SEC24A: variants seen among roughly 807,000 people sequenced by gnomAD.
SEC24A encodes protein transport protein Sec24A.
A neutral mutation model predicts 129.4 loss-of-function variants in SEC24A; 93 were observed. That is an observed-to-expected ratio of 0.72 (90% CI 0.61 to 0.85). SEC24A has a LOEUF of 0.85. Among genes scored for constraint, SEC24A ranks in the 40% least tolerant of loss-of-function variants. The probability of loss-of-function intolerance (pLI) is 0.00; values close to 1 mark genes in which losing one functional copy is unlikely to be tolerated. For synonymous variants in SEC24A, 460 were observed against 467.3 expected (o/e 0.98, Z 0.20); for missense variants, 1,264 against 1,307.4 (o/e 0.97, Z 0.51).
intron 11 of SEC24A, among the ~76,000 whole-genome samples, chr5:134,691,941 T>C (rs1751669908): frequency 6.8e-6 from 1 of 147,584 alleles, no homozygotes; most frequent in Non-Finnish European, 1.5e-5. Flanking sequence ...GGGCCAGCCA[T>C]TTAAAAAAAA....
chr5:134,675,663 T>C (rs1393891614), intron 6 of SEC24A, among the ~76,000 whole-genome samples: 5 of 152,210 alleles, frequency 3.3e-5, no homozygotes, highest in African/African-American at 9.6e-5. Flanking sequence ...GTATTTAGAA[T>C]CTTCAGCAAA....
chr5:134,705,090 A>ATATT lies in SEC24A; in HGVS notation c.2441-236_2441-235insATTT, dbSNP rs1180461537. On this transcript the variant is annotated intron_variant, in intron 16 of 22. Coordinates refer to ENST00000398844, the MANE Select transcript of SEC24A (RefSeq NM_021982.3). ...TATATTTATATATATATATATATAT[A>ATATT]TTTTTTTTTTTTTAATTAATTTATT... Among the ~76,000 whole-genome samples the ATATT allele has an allele frequency of 4.5e-3, 558 of 123,244 alleles. 3 individuals carry two copies. Among genetic ancestry groups the ATATT allele is most frequent in the East Asian group, 0.025 (111 of 4,378 alleles). The allele number at this position is 123,244 out of a possible 152,430, so 80.9% of individuals were successfully genotyped here. A position where few individuals can be genotyped will look rare whatever the true frequency, so the allele number is the denominator to read the frequency against.
chr5:134,661,053 T>C, intron 1 of SEC24A, 66 bp from the exon 2 acceptor site: 1 of 1,117,826 alleles, frequency 8.9e-7, no homozygotes, highest in South Asian at 1.5e-5. Context: ...ATATATGTTT[T>C]ACTTTATTTC....
intron 12 of SEC24A, chr5:134,692,987 T>G: frequency 6.8e-7 from 1 of 1,477,620 alleles, no homozygotes; most frequent in Non-Finnish European, 9.1e-7. Flanking sequence ...TAGAAGCACA[T>G]TAGGTAGGCT....
intron 21 of SEC24A, among the ~76,000 whole-genome samples, chr5:134,721,830 C>G: frequency 6.6e-6 from 1 of 152,116 alleles, no homozygotes; most frequent in Middle Eastern, 3.2e-3. Flanking sequence ...AGTGATTATG[C>G]TGCTGCACTC....
At chr5:134,660,931 T>C (rs895351312) in intron 1 of SEC24A, among the ~76,000 whole-genome samples, 188 bp from the exon 2 acceptor site, 3 of 152,206 alleles carry the variant, frequency 2.0e-5, no homozygotes, top group African/African-American at 7.2e-5. Context: ...TGATGTTGAA[T>C]GTTTTGGCAT....
At chr5:134,682,132 A>T (rs1435419305) in intron 8 of SEC24A, among the ~76,000 whole-genome samples, 1 of 151,920 alleles carries the variant, frequency 6.6e-6, no homozygotes, top group Non-Finnish European at 1.5e-5. Context: ...AATCCTAGCT[A>T]CTCGGGAGGC....
Position 134,703,926 on chromosome 5 carries a change from A to G in SEC24A, c.2434A>G (p.Ser812Gly). 1 of 1,559,130 alleles carries G rather than the reference A, an allele frequency of 6.4e-7. No individual in the cohort carries two copies. ...SFQSALLYTS[S>G]KGERRIRVHT... is the part of the protein sequence containing the mutation. Reference sequence around the variant, plus strand: ...TCAGTCAGCACTCTTGTATACATCCAGCAAAGGTAAATTGTTTGTTTTTTT... The same window carrying G: ...TCAGTCAGCACTCTTGTATACATCCGGCAAAGGTAAATTGTTTGTTTTTTT... Residue 812 changes from serine to glycine, a missense_variant, in exon 16 of 23, where the codon AGC (serine) becomes GGC (glycine). Physicochemically the swap from Ser to Gly is moderately conservative, Grantham distance 56 (BLOSUM62 0). Coordinates refer to ENST00000398844, the MANE Select transcript of SEC24A (RefSeq NM_021982.3).
chr5:134,706,681 T>C (rs1313075866), intron 17 of SEC24A, among the ~76,000 whole-genome samples: 1 of 151,896 alleles, frequency 6.6e-6, no homozygotes, highest in Non-Finnish European at 1.5e-5. Context: ...CATTCATTCA[T>C]TCACTCATTC....
chr5:134,708,601 A>G lies in SEC24A; in HGVS notation c.2552-112A>G, dbSNP rs924703294. ...TTTTGTCTCATTTGTGTATGTAGTA[A>G]ATTGGAGAGATACTTGGTATAGTTT... is the stretch of plus-strand genomic sequence containing the variant. On this transcript the variant is annotated intron_variant, in intron 17 of 22. Coordinates refer to ENST00000398844, the MANE Select transcript of SEC24A (RefSeq NM_021982.3). 27 of 963,358 alleles carry G rather than the reference A, an allele frequency of 2.8e-5. 1 individual carries two copies. The South Asian group carries it at 4.5e-4, about 16-fold the overall frequency. The allele number at this position is 963,358 out of a possible 1,614,324, so 59.7% of individuals were successfully genotyped here. A position where few individuals can be genotyped will look rare whatever the true frequency, so the allele number is the denominator to read the frequency against.
rs111637292 is a variant in SEC24A, at chr5:134,701,576, T to C, written c.2267-2183T>C. On this transcript the variant is annotated intron_variant, in intron 15 of 22. Transcript: ENST00000398844. Reference sequence around the variant, plus strand: ...TCCAGGCTGGAGTGTAATGGCGCAGTCTCGGCTCACTGCAACCTTCGCCTC... The same window carrying C: ...TCCAGGCTGGAGTGTAATGGCGCAGCCTCGGCTCACTGCAACCTTCGCCTC... Among the ~76,000 whole-genome samples, 445 of 151,876 alleles carry C rather than the reference T, an allele frequency of 2.9e-3. 2 individuals are homozygous for C. The highest frequency in any genetic ancestry group is 0.01 in the African/African-American group (415 of 41,422).
Position 134,649,011 on chromosome 5 carries a change from T to G in SEC24A, c.-66T>G. 1 of 1,163,730 alleles carries G rather than the reference T, an allele frequency of 8.6e-7. No individual in the cohort carries two copies. The highest frequency in any genetic ancestry group is 2.0e-4 in the Middle Eastern group (1 of 5,044). The allele number at this position is 1,163,730 out of a possible 1,614,324, so 72.1% of individuals were successfully genotyped here. On this transcript the variant is annotated 5_prime_UTR_variant, in exon 1 of 23. Coordinates refer to ENST00000398844, the MANE Select transcript of SEC24A (RefSeq NM_021982.3). ...AGCCTCCTCCCTCCGCTTTCAGCAG[T>G]GGTCTTTCAGCTCTCTTCTTGTGCG...
intron 1 of SEC24A, among the ~76,000 whole-genome samples, chr5:134,658,545 T>A (rs1400130929): frequency 6.6e-6 from 1 of 152,106 alleles, no homozygotes; most frequent in African/African-American, 2.4e-5. Context: ...TCTACAGGCA[T>A]GTGCCACAAC....
intron 2 of SEC24A, among the ~76,000 whole-genome samples, 177 bp downstream of exon 2, chr5:134,661,763 A>G (rs1406004793): frequency 6.6e-6 from 1 of 151,460 alleles, no homozygotes; most frequent in Non-Finnish European, 1.5e-5. Flanking sequence ...AAAGCCTGCT[A>G]GACAAATTAA....
intron 19 of SEC24A, among the ~76,000 whole-genome samples, chr5:134,716,382 T>C (rs1752476230): frequency 2.0e-5 from 3 of 149,254 alleles, no homozygotes; most frequent in Admixed American, 6.7e-5. Flanking sequence ...AGGCAGAGAA[T>C]TGCTTGAACC....
intron 15 of SEC24A, among the ~76,000 whole-genome samples, chr5:134,699,535 G>A (rs1454225223): frequency 1.3e-5 from 2 of 151,838 alleles, no homozygotes; most frequent in African/African-American, 4.8e-5. Context: ...TCCTGATCTG[G>A]TGATCCGTCC....
At chr5:134,706,118 C>T (rs776207872) in intron 17 of SEC24A, among the ~76,000 whole-genome samples, 5 of 152,174 alleles carry the variant, frequency 3.3e-5, no homozygotes, top group Non-Finnish European at 7.3e-5. Context: ...AACTCCCGAC[C>T]TCATGTAATC....
intron 13 of SEC24A, among the ~76,000 whole-genome samples, chr5:134,694,802 A>AGTTTT (rs1465502125): frequency 2.6e-4 from 39 of 151,474 alleles, no homozygotes; most frequent in South Asian, 8.4e-4. Context: ...CTGTGCAACA[A>AGTTTT]GAGCAAAACT....
chr5:134,680,679 T>C (rs1050813284), intron 8 of SEC24A, among the ~76,000 whole-genome samples: 8 of 151,508 alleles, frequency 5.3e-5, no homozygotes, highest in African/African-American at 1.9e-4. Context: ...AGTCTGGCTC[T>C]GTCGCCAGGC....
Sources: gnomAD v4.1 joint callset for allele counts (sites outside exome capture counted in the v4.1 genomes callset) on GRCh38, gnomAD v4.1.1 for gene constraint, MANE v1.5 for transcripts, NCBI Gene and HGNC (gene_info 2026-07-23, HGNC 2026-07-21) for gene names.